The following CCDC178 variants were observed in gnomAD, a reference collection of about 807,000 sequenced individuals.
The protein encoded by CCDC178 is coiled-coil domain containing 178.
In CCDC178, 126 loss-of-function variants were observed where a neutral mutation model predicts 117.4. The ratio of observed to expected loss-of-function variants is 1.07; its 90% confidence interval spans 0.93 to 1.24. The LOEUF (loss-of-function observed/expected upper bound fraction) is 1.24. Ranked by LOEUF, CCDC178 falls within the 50% of genes most tolerant of loss-of-function variation. The pLI is 0.00. For synonymous variants in CCDC178, 283 were observed against 313.4 expected (o/e 0.90, Z 1.02); for missense variants, 1,030 against 986.9 (o/e 1.04, Z -0.59).
intron 20 of CCDC178, among the ~76,000 whole-genome samples, chr18:33,096,049 AG>A (rs1465305018): frequency 8.6e-5 from 13 of 151,882 alleles, no homozygotes; most frequent in African/African-American, 2.9e-4. Context: ...CTTCTCTGTC[AG>A]CAAAAATGCT....
intron 3 of CCDC178, among the ~76,000 whole-genome samples, chr18:33,399,752 G>A (rs1459916035): frequency 2.6e-5 from 4 of 152,132 alleles, no homozygotes; most frequent in Non-Finnish European, 5.9e-5. Context: ...ATCCCTCAAA[G>A]TCATCCAGGA....
chr18:33,042,448 T>C (rs2056566609), intron 21 of CCDC178, among the ~76,000 whole-genome samples: 1 of 151,906 alleles, frequency 6.6e-6, no homozygotes, highest in South Asian at 2.1e-4. Flanking sequence ...CTTGATCTTT[T>C]AAAAAAGTCA....
intron 21 of CCDC178, among the ~76,000 whole-genome samples, chr18:32,994,812 G>A (rs1317326872): frequency 1.3e-5 from 2 of 152,132 alleles, no homozygotes; most frequent in Non-Finnish European, 2.9e-5. Context: ...AGAATTCAAT[G>A]ATGATTATCC....
At chr18:33,269,364 G>T (rs1434902176) in intron 12 of CCDC178, among the ~76,000 whole-genome samples, 2 of 151,786 alleles carry the variant, frequency 1.3e-5, no homozygotes, top group Non-Finnish European at 2.9e-5. Flanking sequence ...AATCTAGAAG[G>T]CTGCAAATAT....
intron 20 of CCDC178, among the ~76,000 whole-genome samples, chr18:33,100,846 T>C (rs542418722): frequency 6.6e-6 from 1 of 152,132 alleles, no homozygotes; most frequent in Non-Finnish European, 1.5e-5. Context: ...GGTCAAGTTT[T>C]CTTCAAAATC....
chr18:33,408,510 C>T (rs2144885857), intron 3 of CCDC178, among the ~76,000 whole-genome samples: 1 of 151,812 alleles, frequency 6.6e-6, no homozygotes, highest in South Asian at 2.1e-4. Flanking sequence ...ATATGTATTA[C>T]ATTAATATTT....
intron 20 of CCDC178, among the ~76,000 whole-genome samples, chr18:33,161,425 C>A (rs1598946887): frequency 6.6e-6 from 1 of 151,876 alleles, no homozygotes; most frequent in African/African-American, 2.4e-5. Context: ...ATGAAAAGGC[C>A]ATTCTCTGTC....
intron 21 of CCDC178, among the ~76,000 whole-genome samples, chr18:33,054,513 C>A (rs2056796927): frequency 6.6e-6 from 1 of 152,196 alleles, no homozygotes; most frequent in Admixed American, 6.5e-5. Flanking sequence ...CAACTGAGAA[C>A]ATGCAGTGTT....
At chr18:33,376,493 G>C (rs2063368208) in intron 5 of CCDC178, among the ~76,000 whole-genome samples, 1 of 152,098 alleles carries the variant, frequency 6.6e-6, no homozygotes, top group South Asian at 2.1e-4. Context: ...ATGCAGGTTT[G>C]TTACACAGGT....
intron 21 of CCDC178, among the ~76,000 whole-genome samples, chr18:32,980,570 CAAAAAAAAAAAAAA>C (rs57402084): frequency 1.3e-5 from 1 of 76,320 alleles, no homozygotes; most frequent in Non-Finnish European, 2.2e-5. Flanking sequence ...GACTCCGTCT[CAAAAAAAAAAAAAA>C]AAAAAAAAAG....
rs8090859 is a variant in CCDC178, at chr18:33,383,450, C to A, written c.208+6090G>T. 6.2e-3 allele frequency among the ~76,000 whole-genome samples: 946 copies of A among 152,102 alleles called. 12 individuals are homozygous for A. Among genetic ancestry groups the A allele is most frequent in the African/African-American group, 0.021 (876 of 41,492 alleles). On this transcript the variant is annotated intron_variant, in intron 5 of 22. Transcript: ENST00000383096. Reference sequence around the variant, plus strand: ...ACCTCCCAACTAGGGTTGCCAGACACCTCATACAGGAGAGTTCTCGGTGGC... The same window carrying A: ...ACCTCCCAACTAGGGTTGCCAGACAACTCATACAGGAGAGTTCTCGGTGGC...
intron 6 of CCDC178, among the ~76,000 whole-genome samples, chr18:33,362,360 T>C (rs753286668): frequency 1.3e-4 from 19 of 151,480 alleles, no homozygotes; most frequent in Non-Finnish European, 2.4e-4. Context: ...GGAGTTCAAA[T>C]ACACAGGTAG....
At chr18:33,307,154 A>G (rs1303204990) in intron 11 of CCDC178, among the ~76,000 whole-genome samples, 1 of 152,204 alleles carries the variant, frequency 6.6e-6, no homozygotes, top group African/African-American at 2.4e-5. Context: ...AGATGTGGAA[A>G]TGACTTTGGA....
intron 11 of CCDC178, among the ~76,000 whole-genome samples, chr18:33,301,701 T>C (rs959525483): frequency 6.6e-6 from 1 of 152,238 alleles, no homozygotes; most frequent in African/African-American, 2.4e-5. Context: ...TTATGAGGCC[T>C]GTTGCCTCTT....
Position 33,352,494 on chromosome 18 carries a change from G to A in CCDC178, c.372-3519C>T, listed in dbSNP as rs535673723. On this transcript the variant is annotated intron_variant, in intron 7 of 22. Transcript: ENST00000383096. ...GTTTAGCATACTCCTGCTTCCTTAA[G>A]GTATAAAGTTAGGTTACTGGATTTG... Among the ~76,000 whole-genome samples, 7 of 151,918 alleles carry A rather than the reference G, an allele frequency of 4.6e-5. No homozygotes were observed. In the South Asian group the frequency reaches 1.2e-3, roughly 27 times the overall value.
intron 21 of CCDC178, among the ~76,000 whole-genome samples, chr18:33,043,790 T>C (rs1034159362): frequency 2.6e-5 from 4 of 151,948 alleles, no homozygotes; most frequent in Admixed American, 6.6e-5. Flanking sequence ...CTAGCAATTA[T>C]ATGTAAATGA....
chr18:33,100,194 AG>A (rs1261033065), intron 20 of CCDC178, among the ~76,000 whole-genome samples: 1 of 151,878 alleles, frequency 6.6e-6, no homozygotes, highest in Non-Finnish European at 1.5e-5. Flanking sequence ...GAGGACACAA[AG>A]GACTCCTCAG....
Position 33,044,474 on chromosome 18 carries a change from C to T in CCDC178, c.2388+48287G>A, listed in dbSNP as rs148334710. Among the ~76,000 whole-genome samples, 87 of 151,922 alleles carry T rather than the reference C, an allele frequency of 5.7e-4. 1 individual carries two copies. The highest frequency in any genetic ancestry group is 2.1e-3 in the African/African-American group (86 of 41,458). ...AAATTAAAACCACAATGAGACTCCT[C>T]CATCTTACACCAGTCAGAATGACTA... On this transcript the variant is annotated intron_variant, in intron 21 of 22. Coordinates refer to ENST00000383096, the MANE Select transcript of CCDC178 (RefSeq NM_001105528.4).
chr18:33,391,281 A>G (rs2063561713), intron 4 of CCDC178, among the ~76,000 whole-genome samples: 1 of 151,954 alleles, frequency 6.6e-6, no homozygotes, highest in Admixed American at 6.6e-5. Context: ...TAAAAAATCT[A>G]TATGCGTGCA....
Sources: allele counts gnomAD v4.1 joint callset (sites outside exome capture counted in the v4.1 genomes callset), GRCh38; gene constraint gnomAD v4.1.1; transcripts MANE v1.5; gene names NCBI Gene and HGNC (gene_info 2026-07-23, HGNC 2026-07-21).